ROBO1: variants seen among roughly 807,000 people sequenced by gnomAD.
ROBO1 encodes roundabout guidance receptor 1.
Under a neutral mutation model 195.9 loss-of-function variants are expected in ROBO1, and 149 were observed. The observed-to-expected ratio is 0.76, with a 90% confidence interval of 0.67 to 0.87. The LOEUF is 0.87. Ranked by LOEUF, ROBO1 falls within the 40% of genes least tolerant of loss-of-function variation. The pLI is 0.00. For synonymous variants in ROBO1, 816 were observed against 733.2 expected, an observed-to-expected ratio of 1.11 and a Z score of -1.82; for missense variants, 1,933 against 2,068.3, an observed-to-expected ratio of 0.93 and a Z score of 1.27.
intron 1 of ROBO1, among the ~76,000 whole-genome samples, chr3:79,711,870 G>A (rs903929017): frequency 1.5e-4 from 18 of 122,010 alleles, no homozygotes; most frequent in Non-Finnish European, 2.7e-4. Context: ...ATCCGTTATG[G>A]TAATCTGTGA....
chr3:79,467,578 C>T (rs192214105), intron 2 of ROBO1, among the ~76,000 whole-genome samples: 4 of 151,954 alleles, frequency 2.6e-5, no homozygotes, highest in East Asian at 2.0e-4. Flanking sequence ...GTGGGACAGC[C>T]GAACTCCAGA....
chr3:78,699,031 C>T (rs2081361256), intron 8 of ROBO1, among the ~76,000 whole-genome samples: 1 of 152,128 alleles, frequency 6.6e-6, no homozygotes, highest in Admixed American at 6.5e-5. Context: ...CCTACGTCCA[C>T]TTAGAAAGCC....
intron 4 of ROBO1, among the ~76,000 whole-genome samples, chr3:78,890,029 C>T (rs114130155): frequency 9.3e-4 from 141 of 152,090 alleles, no homozygotes; most frequent in African/African-American, 3.3e-3. Context: ...TGCCCTCTTA[C>T]TCCTTGACTT....
chr3:79,766,285 TCAA>T (rs1704986414), intron 1 of ROBO1, among the ~76,000 whole-genome samples: 1 of 151,728 alleles, frequency 6.6e-6, no homozygotes, highest in African/African-American at 2.4e-5. Context: ...TGCAGCCTCA[TCAA>T]CATTTCCCTT....
intron 2 of ROBO1, among the ~76,000 whole-genome samples, chr3:79,489,420 C>T (rs1429354954): frequency 6.6e-6 from 1 of 152,052 alleles, no homozygotes; most frequent in Middle Eastern, 3.4e-3. Flanking sequence ...CTTTGGGAGG[C>T]CGAGGTGGGC....
intron 2 of ROBO1, among the ~76,000 whole-genome samples, chr3:79,501,327 T>C (rs1270476639): frequency 1.1e-4 from 17 of 152,170 alleles, no homozygotes. Context: ...CTCAATGACT[T>C]TTTCACTGAC....
At chr3:78,954,475 G>C (rs1264890010) in intron 3 of ROBO1, among the ~76,000 whole-genome samples, 1 of 151,978 alleles carries the variant, frequency 6.6e-6, no homozygotes, top group Non-Finnish European at 1.5e-5. Flanking sequence ...ATTTAGGTCT[G>C]AAAATAGAAT....
At chr3:79,546,942 G>A (rs1008620803) in intron 2 of ROBO1, among the ~76,000 whole-genome samples, 1 of 152,078 alleles carries the variant, frequency 6.6e-6, no homozygotes, top group Admixed American at 6.6e-5. Context: ...AGCACCTTGG[G>A]AGGCCGAGGC....
intron 3 of ROBO1, among the ~76,000 whole-genome samples, chr3:79,049,226 A>G (rs1453633798): frequency 6.6e-6 from 1 of 152,182 alleles, no homozygotes; most frequent in African/African-American, 2.4e-5. Flanking sequence ...GCTCAAAACC[A>G]CAGCACGAGA....
At chr3:79,366,431 T>C (rs961717301) in intron 2 of ROBO1, among the ~76,000 whole-genome samples, 2 of 152,200 alleles carry the variant, frequency 1.3e-5, no homozygotes, top group Non-Finnish European at 2.9e-5. Flanking sequence ...TCTAACCCTG[T>C]TTCCAGCCTC....
At chr3:79,223,958 A>G (rs531406071) in intron 2 of ROBO1, among the ~76,000 whole-genome samples, 2 of 152,330 alleles carry the variant, frequency 1.3e-5, no homozygotes, top group Admixed American at 1.3e-4. Context: ...ACTTAAACAA[A>G]TATATCCTTG....
chr3:79,602,117 A>G (rs1372073359), intron 1 of ROBO1, among the ~76,000 whole-genome samples: 1 of 152,004 alleles, frequency 6.6e-6, no homozygotes, highest in Non-Finnish European at 1.5e-5. Flanking sequence ...CAGCCTAGTC[A>G]ATCTTAGCAA....
At chr3:79,607,770 A>G (rs1378833850) in intron 1 of ROBO1, among the ~76,000 whole-genome samples, 1 of 152,002 alleles carries the variant, frequency 6.6e-6, no homozygotes, top group Non-Finnish European at 1.5e-5. Context: ...CCTAAAATAA[A>G]TTCTTCCTCT....
intron 1 of ROBO1, among the ~76,000 whole-genome samples, chr3:79,656,332 A>G (rs564421243): frequency 1.3e-5 from 2 of 152,068 alleles, no homozygotes; most frequent in Non-Finnish European, 2.9e-5. Context: ...ACCCATTGAG[A>G]CACATGGAAT....
chr3:78,600,089 A>C (rs772634416), intron 30 of ROBO1, 24 bp downstream of exon 30: 1 of 1,587,874 alleles, frequency 6.3e-7, no homozygotes, highest in South Asian at 1.1e-5. Flanking sequence ...AACATTGGTA[A>C]ACTTGGGGAA....
intron 1 of ROBO1, among the ~76,000 whole-genome samples, chr3:79,734,307 C>T (rs1703286814): frequency 6.6e-6 from 1 of 152,116 alleles, no homozygotes; most frequent in Non-Finnish European, 1.5e-5. Flanking sequence ...ATGCATGAGT[C>T]TCTCACATCT....
At chr3:79,395,657 T>C (rs2037129516) in intron 2 of ROBO1, among the ~76,000 whole-genome samples, 2 of 152,146 alleles carry the variant, frequency 1.3e-5, no homozygotes, top group African/African-American at 4.8e-5. Context: ...CGGATACACA[T>C]ATATTTCTAT....
chr3:78,959,608 C>T (rs1403654518), intron 3 of ROBO1, among the ~76,000 whole-genome samples: 1 of 152,030 alleles, frequency 6.6e-6, no homozygotes, highest in Non-Finnish European at 1.5e-5. Flanking sequence ...CATTTATGGG[C>T]CTGTGATATA....
intron 2 of ROBO1, among the ~76,000 whole-genome samples, chr3:79,295,659 G>A (rs973712742): frequency 1.3e-5 from 2 of 151,762 alleles, no homozygotes; most frequent in Non-Finnish European, 2.9e-5. Flanking sequence ...TAAAATGGAT[G>A]AATCAACGAA....
Sources: gnomAD v4.1 joint callset for allele counts (sites outside exome capture counted in the v4.1 genomes callset) on GRCh38, gnomAD v4.1.1 for gene constraint, MANE v1.5 for transcripts, NCBI Gene and HGNC (gene_info 2026-07-23, HGNC 2026-07-21) for gene names.